CRB2: variants seen among roughly 807,000 people sequenced by gnomAD.
The protein encoded by CRB2 is protein crumbs homolog 2.
In CRB2, 85 loss-of-function variants were observed where a neutral mutation model predicts 110.9. The observed-to-expected ratio is 0.77, with a 90% CI of 0.64 to 0.92. The LOEUF (loss-of-function observed/expected upper bound fraction) is 0.92, where lower values mean the gene tolerates loss of function less well. CRB2 is among the 40% of genes least tolerant of loss of function. The probability of loss-of-function intolerance (pLI) is 0.00; values close to 1 mark genes in which losing one functional copy is unlikely to be tolerated. For missense variants in CRB2, 1,843 were observed against 1,851.3 expected (o/e 1.00, Z 0.08); for synonymous variants, 907 against 831.0 (o/e 1.09, Z -1.57).
intron 4 of CRB2, among the ~76,000 whole-genome samples, chr9:123,366,780 A>G (rs1458382875): frequency 6.6e-6 from 1 of 151,882 alleles, no homozygotes; most frequent in Non-Finnish European, 1.5e-5. Context: ...GTGAAACCCC[A>G]TCTCTACTAA....
intron 1 of CRB2, among the ~76,000 whole-genome samples, chr9:123,359,953 T>TC (rs1231127095): frequency 2.0e-5 from 3 of 152,006 alleles, no homozygotes; most frequent in South Asian, 2.1e-4. Flanking sequence ...GAGATTTTTT[T>TC]TTTTTCCTGG....
Position 123,373,390 on chromosome 9 carries a change from T to C in CRB2, c.2859T>C (p.Asp953=). Reference sequence around the variant, plus strand: ...CCATACCGGGGCCGCGCGTGGCCGATGGTGCCTGGCACCGCGTGCGTCTGG... The same window carrying C: ...CCATACCGGGGCCGCGCGTGGCCGACGGTGCCTGGCACCGCGTGCGTCTGG... The part of the protein sequence containing the change: ...VLPIPGPRVA[D]GAWHRVRLAM... The change falls in exon 10 of 13, where the codon GAT becomes GAC. Residue 953 remains aspartate, a synonymous_variant. Transcript: ENST00000373631. The C allele has an allele frequency of 7.0e-7, 1 of 1,436,540 alleles. No homozygotes were observed. The highest frequency in any genetic ancestry group is 9.1e-7 in the Non-Finnish European group (1 of 1,101,380). 89.0% of individuals were successfully genotyped at this position (1,436,540 alleles called of 1,614,324 possible). A position where few individuals can be genotyped will look rare whatever the true frequency, so the allele number is the denominator to read the frequency against.
At chr9:123,366,401 A>G in intron 4 of CRB2, 35 bp downstream of exon 4, 4 of 1,512,816 alleles carry the variant, frequency 2.6e-6, no homozygotes, top group Admixed American at 2.3e-5. Flanking sequence ...TGGCGGGGGG[A>G]GGGGTAGGTG....
In CRB2 at chr9:123,373,591, C is replaced by T. The variant is rs1189454386; in HGVS notation, c.3060C>T (p.Gly1020=). The change falls in exon 10 of 13, where the codon GGC becomes GGT. Residue 1020 remains glycine (G), a synonymous_variant. Coordinates refer to ENST00000373631, the MANE Select transcript of CRB2 (RefSeq NM_173689.7). ...GCTGCTTGGGCCGCGTGGCGCTGGG[C>T]GGCCTGCCCCTGCCCTTGGCGCGGC... is the stretch of plus-strand genomic sequence containing the variant. ...FTGCLGRVAL[G]GLPLPLARPR... The T allele has an allele frequency of 9.8e-6, 14 of 1,430,606 alleles. No homozygotes were observed. Among genetic ancestry groups the T allele is most frequent in the African/African-American group, 8.9e-5 (6 of 67,742 alleles). The allele number at this position is 1,430,606 out of a possible 1,614,324, so 88.6% of individuals were successfully genotyped here. A position where few individuals can be genotyped will look rare whatever the true frequency, so the allele number is the denominator to read the frequency against.
intron 4 of CRB2, among the ~76,000 whole-genome samples, 189 bp from the exon 5 acceptor site, chr9:123,366,983 A>C (rs972462432): frequency 2.6e-5 from 4 of 150,994 alleles, no homozygotes; most frequent in African/African-American, 7.3e-5. Flanking sequence ...GACTAGTAAT[A>C]GCAGTAATAG....
rs1259265885 is a variant in CRB2 at position 123,367,563 on chromosome 9, C to T, written c.941-10C>T. 9 of 1,548,358 alleles carry T rather than the reference C, an allele frequency of 5.8e-6. No individual in the cohort carries two copies. Among genetic ancestry groups the T allele is most frequent in the African/African-American group, 1.4e-5 (1 of 72,908 alleles). On this transcript the variant is annotated splice_polypyrimidine_tract_variant and intron_variant, in intron 5 of 12. Coordinates refer to ENST00000373631, the MANE Select transcript of CRB2 (RefSeq NM_173689.7). ...GGTGCAGGTGGGACCCACAGCTGGG[C>T]CTCTTACAGGAGCCGACTGCGGTGT...
chr9:123,375,832 G>A (rs917772143), intron 12 of CRB2, among the ~76,000 whole-genome samples: 1 of 152,100 alleles, frequency 6.6e-6, no homozygotes, highest in Admixed American at 6.5e-5. Context: ...GCTCAGCCCA[G>A]GAGGAGCCTG....
chr9:123,379,135 A>C (rs900268764), downstream of CRB2, among the ~76,000 whole-genome samples: 2 of 151,592 alleles, frequency 1.3e-5, no homozygotes, highest in Non-Finnish European at 2.9e-5. Context: ...CCTGTCAGTC[A>C]GTCAGTCCTG....
At chr9:123,355,315 G>T (rs2041785530), upstream of CRB2, among the ~76,000 whole-genome samples, 1 of 152,132 alleles carries the variant, frequency 6.6e-6, no homozygotes, top group East Asian at 1.9e-4. Flanking sequence ...GGACTTCCTG[G>T]CAGGGGAGAG....
intron 2 of CRB2, among the ~76,000 whole-genome samples, chr9:123,363,638 T>G (rs1350772632): frequency 6.6e-6 from 1 of 151,932 alleles, no homozygotes; most frequent in Non-Finnish European, 1.5e-5. Context: ...TGGTCTGGAG[T>G]GCAATGTGGA....
Position 123,373,163 on chromosome 9 carries a change from C to G in CRB2, c.2632C>G (p.Pro878Ala). 3 of 1,512,706 alleles carry G rather than the reference C, an allele frequency of 2.0e-6. No individual in the cohort carries two copies. Among genetic ancestry groups the G allele is most frequent in the Middle Eastern group, 1.8e-4 (1 of 5,620 alleles). The allele number at this position is 1,512,706 out of a possible 1,614,324, so 93.7% of individuals were successfully genotyped here. A position where few individuals can be genotyped will look rare whatever the true frequency, so the allele number is the denominator to read the frequency against. ...CVAEATFREG[P>A]PAAFSGHNAS... is the part of the protein sequence containing the mutation. Reference sequence around the variant, plus strand: ...GGCGGAGGCCACGTTCCGCGAGGGTCCCCCCGCCGCGTTCAGCGGGCACAA... The same window carrying G: ...GGCGGAGGCCACGTTCCGCGAGGGTGCCCCCGCCGCGTTCAGCGGGCACAA... Residue 878 changes from proline (P) to alanine (A), a missense_variant, in exon 10 of 13, where the codon CCC (proline) becomes GCC (alanine). Transcript: ENST00000373631.
chr9:123,374,655 G>T lies in CRB2; in HGVS notation c.3466G>T (p.Ala1156Ser). The T allele has an allele frequency of 6.2e-7, 1 of 1,612,442 alleles. No homozygotes were observed. The highest frequency in any genetic ancestry group is 1.1e-5 in the South Asian group (1 of 91,070). ...DGSPCEGGSP[A>S]ANCSCLEGLA... ...CAGCCCATGTGAGGGTGGCTCTCCC[G>T]CTGCCAACTGCAGCTGCCTGGAGGG... Residue 1156 changes from alanine to serine, a missense_variant, in exon 11 of 13, where the codon GCT (alanine) becomes TCT (serine). Coordinates refer to ENST00000373631, the MANE Select transcript of CRB2 (RefSeq NM_173689.7).
At chr9:123,374,916 C>T (rs749488437) in intron 11 of CRB2, among the ~76,000 whole-genome samples, 26 of 152,354 alleles carry the variant, frequency 1.7e-4, no homozygotes, top group Non-Finnish European at 2.9e-4. Context: ...GGAAACCCAG[C>T]CTCAGCCCGC....
At chr9:123,370,051 C>T in intron 6 of CRB2, 57 bp from the exon 7 acceptor site, 1 of 1,533,218 alleles carries the variant, frequency 6.5e-7, no homozygotes, top group Non-Finnish European at 8.8e-7. Flanking sequence ...AGTTCTGGGT[C>T]AGTACTGTGA....
In CRB2 at chr9:123,367,279, G is replaced by A; in HGVS notation, c.862G>A (p.Val288Ile). 6.2e-7 allele frequency: 1 copy of A among 1,601,556 alleles called. No homozygotes were observed. The highest frequency in any genetic ancestry group is 8.5e-7 in the Non-Finnish European group (1 of 1,178,622). Reference protein sequence around the residue: ...QRSDPALYGGVQAAFPGAFSF... With the variant: ...QRSDPALYGGIQAAFPGAFSF... ...CTCTGACCCGGCCCTCTACGGGGGT[G>A]TCCAGGCCGCCTTCCCTGGCGCCTT... Residue 288 changes from valine (V) to isoleucine (I), a missense_variant, in exon 5 of 13, where the codon GTC becomes ATC. Transcript: ENST00000373631.
rs778871934 is a variant in CRB2 at position 123,370,370 on chromosome 9, C to T, written c.1317C>T (p.Thr439=). The T allele has an allele frequency of 2.5e-6, 4 of 1,613,706 alleles. No individual in the cohort carries two copies. Among genetic ancestry groups the T allele is most frequent in the Non-Finnish European group, 3.4e-6 (4 of 1,180,046 alleles). The change falls in exon 7 of 13, where the codon ACC becomes ACT. Residue 439 remains threonine, a synonymous_variant. Transcript: ENST00000373631. The part of the protein sequence containing the change: ...GTHGPFCGQN[T]TFSVMAGSPI... ...ATGGACCGTTCTGTGGCCAGAATAC[C>T]ACCTTCTCTGTGATGGCTGGGAGCC...
intron 6 of CRB2, among the ~76,000 whole-genome samples, chr9:123,368,580 A>AGG (rs1337239410): frequency 6.6e-6 from 1 of 152,226 alleles, no homozygotes; most frequent in Admixed American, 6.5e-5. Context: ...TGAGAGGATG[A>AGG]GGGGGTGTCA....
intron 2 of CRB2, among the ~76,000 whole-genome samples, chr9:123,363,624 G>A (rs2041895324): frequency 6.6e-6 from 1 of 152,156 alleles, no homozygotes; most frequent in Non-Finnish European, 1.5e-5. Context: ...GAACACTCCT[G>A]ATGTGGTCTG....
chr9:123,377,295 G>A lies in CRB2; in HGVS notation c.*233G>A. 1 of 550,972 alleles carries A rather than the reference G, an allele frequency of 1.8e-6. No homozygotes were observed. Among genetic ancestry groups the A allele is most frequent in the Admixed American group, 3.3e-5 (1 of 30,414 alleles). The allele number at this position is 550,972 out of a possible 1,614,324, so 34.1% of individuals were successfully genotyped here. A position where few individuals can be genotyped will look rare whatever the true frequency, so the allele number is the denominator to read the frequency against. ...ATCCCACCCTCGGGGTTCCGCCTTG[G>A]CAGGTGTACGGCTGTGCGTGGGAGG... On this transcript the variant is annotated 3_prime_UTR_variant, in exon 13 of 13. Coordinates refer to ENST00000373631, the MANE Select transcript of CRB2 (RefSeq NM_173689.7).
Sources: gnomAD v4.1 joint callset for allele counts (sites outside exome capture counted in the v4.1 genomes callset) on GRCh38, gnomAD v4.1.1 for gene constraint, MANE v1.5 for transcripts, NCBI Gene and HGNC (gene_info 2026-07-23, HGNC 2026-07-21) for gene names.